Variants in SNTB1 observed in about 807,000 individuals in gnomAD.
SNTB1 encodes the protein beta-1-syntrophin.
Under a neutral mutation model 48.9 loss-of-function variants are expected in SNTB1, and 36 were observed. The observed-to-expected ratio is 0.74, with a 90% CI of 0.56 to 0.97. SNTB1 has a LOEUF of 0.97. Ranked by LOEUF, SNTB1 falls within the 50% of genes least tolerant of loss-of-function variation. The pLI is 0.00. For missense variants in SNTB1, 786 were observed against 703.4 expected (o/e 1.12, Z -1.33); for synonymous variants, 299 against 294.6 (o/e 1.01, Z -0.15).
chr8:120,571,140 A>C (rs1283508300), intron 4 of SNTB1: 7 of 1,125,154 alleles, frequency 6.2e-6, no homozygotes, highest in Non-Finnish European at 7.9e-6. Flanking sequence ...TAATGCCCAG[A>C]AACTGTGAGA....
chr8:120,583,798 A>T (rs1338348459), intron 3 of SNTB1, among the ~76,000 whole-genome samples: 1 of 152,156 alleles, frequency 6.6e-6, no homozygotes, highest in Non-Finnish European at 1.5e-5. Context: ...AAAATAGAAA[A>T]CTATAAACCA....
At chr8:120,680,112 C>A (rs1161957703) in intron 2 of SNTB1, among the ~76,000 whole-genome samples, 1 of 152,228 alleles carries the variant, frequency 6.6e-6, no homozygotes, top group Non-Finnish European at 1.5e-5. Flanking sequence ...ATAGACATCA[C>A]TCCCTGTTGA....
At chr8:120,678,538 T>G (rs1174989117) in intron 2 of SNTB1, among the ~76,000 whole-genome samples, 1 of 152,180 alleles carries the variant, frequency 6.6e-6, no homozygotes, top group Non-Finnish European at 1.5e-5. Flanking sequence ...CACTTCCCTA[T>G]CCAGCTCATA....
chr8:120,742,905 C>A (rs1394704725), intron 1 of SNTB1, among the ~76,000 whole-genome samples: 2 of 152,038 alleles, frequency 1.3e-5, no homozygotes, highest in African/African-American at 4.8e-5. Flanking sequence ...CAAGTGAAAC[C>A]AACAGTGATC....
intron 4 of SNTB1, among the ~76,000 whole-genome samples, chr8:120,559,698 T>G (rs948513790): frequency 2.0e-5 from 3 of 152,238 alleles, no homozygotes; most frequent in African/African-American, 7.2e-5. Flanking sequence ...TTTCAAGAAA[T>G]GCTTTTGCAT....
intron 3 of SNTB1, among the ~76,000 whole-genome samples, chr8:120,620,245 A>G (rs1587037628): frequency 6.6e-6 from 1 of 152,186 alleles, no homozygotes; most frequent in Non-Finnish European, 1.5e-5. Context: ...GATTACATTT[A>G]TTGGATGCTA....
chr8:120,769,533 C>A (rs7463542), intron 1 of SNTB1: 5,796 of 152,298 alleles, frequency 0.038, 373 homozygotes, highest in African/African-American at 0.13. Flanking sequence ...GATGCTCATT[C>A]TGGGTTGGGG....
At position 120,538,372 on chromosome 8, in the gene SNTB1, T is replaced by G; in HGVS notation, c.*505A>C. The G allele has an allele frequency of 4.5e-6, 1 of 221,696 alleles. No homozygotes were observed. Among genetic ancestry groups the G allele is most frequent in the Non-Finnish European group, 9.5e-6 (1 of 105,380 alleles). The allele number at this position is 221,696 out of a possible 1,614,324, so 13.7% of individuals were successfully genotyped here. On this transcript the variant is annotated 3_prime_UTR_variant, in exon 7 of 7. Coordinates refer to ENST00000517992, the MANE Select transcript of SNTB1 (RefSeq NM_021021.4). ...AAGGTGGGTTTCTATTTGAAATATT[T>G]TTCTTTTCCTACAAGGGAAAGTCAA...
In SNTB1 at chr8:120,586,011, T is replaced by C. The variant is rs186768179; in HGVS notation, c.997-10786A>G. The stretch of plus-strand genomic sequence containing the variant: ...TTCCAGCTCATGGGATAGAAAACAC[T>C]GGACACAAAACACATCCCTTCAGCA... On this transcript the variant is annotated intron_variant, in intron 3 of 6. Transcript: ENST00000517992. Among the ~76,000 whole-genome samples, 121 of 152,290 alleles carry C rather than the reference T, an allele frequency of 7.9e-4. 1 individual carries two copies. Among genetic ancestry groups the C allele is most frequent in the African/African-American group, 2.6e-3 (110 of 41,566 alleles).
rs138861807 is a variant in SNTB1, at chr8:120,548,961, GGAGA to G, written c.1137-7_1137-4del. 146 of 1,510,102 alleles carry G rather than the reference GGAGA, an allele frequency of 9.7e-5. No individual in the cohort carries two copies. The highest frequency in any genetic ancestry group is 1.7e-4 in the East Asian group (7 of 42,406). 93.5% of individuals were successfully genotyped at this position (1,510,102 alleles called of 1,614,324 possible). Reference sequence around the variant, plus strand: ...TTCCTGGACCTGAATGGACCAGCCTGGAGAGAGAGAGAGAGAGACATCATCAAAA... The same window carrying G: ...TTCCTGGACCTGAATGGACCAGCCTGGAGAGAGAGAGAGACATCATCAAAA... On this transcript the variant is annotated splice_polypyrimidine_tract_variant and splice_region_variant and intron_variant, in intron 4 of 6. Coordinates refer to ENST00000517992, the MANE Select transcript of SNTB1 (RefSeq NM_021021.4).
At chr8:120,738,549 C>CT (rs1818988763) in intron 1 of SNTB1, among the ~76,000 whole-genome samples, 1 of 125,490 alleles carries the variant, frequency 8.0e-6, no homozygotes, top group Admixed American at 9.9e-5. Flanking sequence ...TCCTTCTTTC[C>CT]TTCCTTCCTT....
At chr8:120,580,839 G>C (rs1230725980) in intron 3 of SNTB1, among the ~76,000 whole-genome samples, 1 of 152,102 alleles carries the variant, frequency 6.6e-6, no homozygotes, top group Non-Finnish European at 1.5e-5. Flanking sequence ...AGGCACATAG[G>C]GACAGGGCTA....
rs536433570 is a variant in SNTB1 at position 120,581,633 on chromosome 8, T to C, written c.997-6408A>G. On this transcript the variant is annotated intron_variant, in intron 3 of 6. Transcript: ENST00000517992. Reference sequence around the variant, plus strand: ...AAAAGGAGAAGAGCAGAATGAGTGATGTATCATGTGGATGGATGTTAAGAT... The same window carrying C: ...AAAAGGAGAAGAGCAGAATGAGTGACGTATCATGTGGATGGATGTTAAGAT... 3.3e-5 allele frequency among the ~76,000 whole-genome samples: 5 copies of C among 152,000 alleles called. No individual in the cohort carries two copies. The South Asian group carries it at 1.0e-3, about 32-fold the overall frequency.
chr8:120,769,035 G>A (rs1819575033), intron 1 of SNTB1: 1 of 152,278 alleles, frequency 6.6e-6, no homozygotes, highest in African/African-American at 2.4e-5. Context: ...TGTGGACATA[G>A]ACCTGTTTGC....
chr8:120,693,194 G>A (rs1818156827), intron 2 of SNTB1, among the ~76,000 whole-genome samples: 1 of 152,118 alleles, frequency 6.6e-6, no homozygotes, highest in African/African-American at 2.4e-5. Flanking sequence ...CCATTCATGA[G>A]GGTTCTGCCC....
intron 2 of SNTB1, among the ~76,000 whole-genome samples, chr8:120,673,326 T>G (rs1040845513): frequency 2.6e-5 from 4 of 151,696 alleles, no homozygotes; most frequent in African/African-American, 9.7e-5. Context: ...AATCTCACTC[T>G]GTCGCCCAGG....
chr8:120,548,212 A>G (rs898598667), intron 5 of SNTB1, among the ~76,000 whole-genome samples: 1 of 152,052 alleles, frequency 6.6e-6, no homozygotes, highest in Non-Finnish European at 1.5e-5. Flanking sequence ...AAGCTTCCTG[A>G]GGTCCTCACC....
intron 2 of SNTB1, among the ~76,000 whole-genome samples, chr8:120,688,666 T>C (rs1358564702): frequency 6.6e-6 from 1 of 152,056 alleles, no homozygotes; most frequent in African/African-American, 2.4e-5. Flanking sequence ...AAAGGGCAAG[T>C]AGGAAGTTGT....
At chr8:120,723,200 A>G (rs143803869) in intron 1 of SNTB1, among the ~76,000 whole-genome samples, 3 of 152,272 alleles carry the variant, frequency 2.0e-5, no homozygotes, top group East Asian at 3.9e-4. Flanking sequence ...TGTTCTGACT[A>G]TATTGCAGCA....
Sources: allele counts gnomAD v4.1 joint callset (sites outside exome capture counted in the v4.1 genomes callset), GRCh38; gene constraint gnomAD v4.1.1; transcripts MANE v1.5; gene names NCBI Gene and HGNC (gene_info 2026-07-23, HGNC 2026-07-21).